The following EFCAB6 variants were observed in gnomAD, a reference collection of about 807,000 sequenced individuals.
EFCAB6 encodes EF-hand calcium-binding domain-containing protein 6.
A neutral mutation model predicts 169.8 loss-of-function variants in EFCAB6; 156 were observed. The observed-to-expected ratio is 0.92, with a 90% CI of 0.81 to 1.05. The LOEUF (loss-of-function observed/expected upper bound fraction) is 1.05. EFCAB6 is among the 50% of genes least tolerant of loss of function. The pLI is 0.00. For synonymous variants in EFCAB6, 698 were observed against 676.4 expected, an observed-to-expected ratio of 1.03 and a Z score of -0.50; for missense variants, 1,800 against 1,829.1, an observed-to-expected ratio of 0.98 and a Z score of 0.29.
Position 43,666,691 on chromosome 22 carries a change from GTTTTT to G in EFCAB6, c.1983+408_1983+412del, listed in dbSNP as rs137764. Among the ~76,000 whole-genome samples the G allele has an allele frequency of 6.8e-3, 529 of 77,858 alleles. 3 individuals carry two copies. Among genetic ancestry groups the G allele is most frequent in the Non-Finnish European group, 7.7e-3 (335 of 43,304 alleles). The allele number at this position is 77,858 out of a possible 152,430, so 51.1% of individuals were successfully genotyped here. A position where few individuals can be genotyped will look rare whatever the true frequency, so the allele number is the denominator to read the frequency against. ...GTTTCCCATATTTCACTGCCAGATTGTTTTTTTTTTTTTTTTTTTTTTTTCATTCT... is the reference window on the plus strand; with the variant it reads ...GTTTCCCATATTTCACTGCCAGATTGTTTTTTTTTTTTTTTTTTTCATTCT... On this transcript the variant is annotated intron_variant, in intron 17 of 31. Transcript: ENST00000262726.
intron 2 of EFCAB6, among the ~76,000 whole-genome samples, chr22:43,787,116 G>A (rs951009024): frequency 2.6e-5 from 4 of 152,102 alleles, no homozygotes; most frequent in Admixed American, 6.5e-5. Context: ...CATATTTAAT[G>A]GTGAATGACC....
At chr22:43,742,620 T>G (rs2060415941) in intron 6 of EFCAB6, among the ~76,000 whole-genome samples, 1 of 152,200 alleles carries the variant, frequency 6.6e-6, no homozygotes, top group African/African-American at 2.4e-5. Context: ...GAGAGTCTGG[T>G]CCCAACCCTC....
intron 17 of EFCAB6, among the ~76,000 whole-genome samples, chr22:43,649,611 A>G (rs1052124996): frequency 1.3e-5 from 2 of 152,252 alleles, no homozygotes; most frequent in African/African-American, 4.8e-5. Flanking sequence ...AGGAAAAAAT[A>G]TTAAAAATAA....
At chr22:43,597,285 GA>G (rs2052087403) in intron 23 of EFCAB6, among the ~76,000 whole-genome samples, 1 of 152,016 alleles carries the variant, frequency 6.6e-6, no homozygotes, top group Admixed American at 6.5e-5. Context: ...ACTGCACCAT[GA>G]AGGGAACAAA....
chr22:43,671,785 A>G (rs142982669), intron 15 of EFCAB6, among the ~76,000 whole-genome samples, 188 bp downstream of exon 15: 88 of 152,262 alleles, frequency 5.8e-4, no homozygotes, highest in Middle Eastern at 3.4e-3. Context: ...TGGCTGTGAT[A>G]AGGACTATAT....
At chr22:43,625,501 C>T (rs1380569543) in intron 20 of EFCAB6, among the ~76,000 whole-genome samples, 1 of 152,200 alleles carries the variant, frequency 6.6e-6, no homozygotes, top group Non-Finnish European at 1.5e-5. Flanking sequence ...CCCCTGCTGC[C>T]ACTGTTGGAT....
intron 23 of EFCAB6, among the ~76,000 whole-genome samples, chr22:43,590,493 T>C (rs970271590): frequency 6.6e-6 from 1 of 152,202 alleles, no homozygotes; most frequent in African/African-American, 2.4e-5. Flanking sequence ...TGTACTAGAA[T>C]CGGTACTTTA....
At chr22:43,738,095 T>C (rs2060224325) in intron 6 of EFCAB6, among the ~76,000 whole-genome samples, 1 of 141,370 alleles carries the variant, frequency 7.1e-6, no homozygotes, top group South Asian at 2.3e-4. Context: ...TGCAGATACA[T>C]GCACACACAC....
intron 17 of EFCAB6, among the ~76,000 whole-genome samples, chr22:43,661,802 C>A (rs771666186): frequency 2.6e-5 from 4 of 152,154 alleles, no homozygotes; most frequent in Non-Finnish European, 4.4e-5. Context: ...AAGACAAAGT[C>A]TTATTGATAG....
intron 10 of EFCAB6, among the ~76,000 whole-genome samples, chr22:43,699,013 C>T (rs2058675493): frequency 6.6e-6 from 1 of 152,180 alleles, no homozygotes; most frequent in Non-Finnish European, 1.5e-5. Context: ...AATAATATGG[C>T]AGCTGGCAGG....
chr22:43,564,260 C>T (rs947646884), intron 26 of EFCAB6, among the ~76,000 whole-genome samples: 2 of 151,870 alleles, frequency 1.3e-5, no homozygotes, highest in Non-Finnish European at 2.9e-5. Flanking sequence ...CCAGCCTGGC[C>T]AACATGGCGA....
chr22:43,789,438 T>C (rs2062194527), intron 2 of EFCAB6, among the ~76,000 whole-genome samples: 1 of 152,138 alleles, frequency 6.6e-6, no homozygotes, highest in Non-Finnish European at 1.5e-5. Context: ...TAAGGCAATA[T>C]GTTTACTTGA....
At chr22:43,624,259 CG>C (rs747830480) in intron 20 of EFCAB6, among the ~76,000 whole-genome samples, 2 of 152,154 alleles carry the variant, frequency 1.3e-5, no homozygotes, top group Non-Finnish European at 2.9e-5. Context: ...CACCAGACCC[CG>C]GGGACCAAGT....
intron 3 of EFCAB6, among the ~76,000 whole-genome samples, chr22:43,781,521 G>C (rs996624469): frequency 1.3e-5 from 2 of 152,036 alleles, no homozygotes; most frequent in Non-Finnish European, 2.9e-5. Context: ...TAGAGACAAG[G>C]TCTTACTATG....
rs534264066 is a variant in EFCAB6, at chr22:43,535,222, G to A, written c.4049-350C>T. 6 of 207,006 alleles carry A rather than the reference G, an allele frequency of 2.9e-5. No homozygotes were observed. In the East Asian group the frequency reaches 6.7e-4, roughly 23 times the overall value. The allele number at this position is 207,006 out of a possible 1,614,324, so 12.8% of individuals were successfully genotyped here. ...TCAGGTGTGTGAGGAGCAGGGGAAG[G>A]TTCCCTGAGCTCATAGTGAGCCTGG... On this transcript the variant is annotated intron_variant, in intron 29 of 31. Transcript: ENST00000262726.
intron 6 of EFCAB6, among the ~76,000 whole-genome samples, chr22:43,740,774 A>G (rs1026424688): frequency 2.0e-5 from 3 of 152,202 alleles, no homozygotes; most frequent in African/African-American, 4.8e-5. Flanking sequence ...TGCCTGAAAG[A>G]GGGAGCCCCA....
intron 20 of EFCAB6, among the ~76,000 whole-genome samples, chr22:43,617,646 A>T (rs1323408677): frequency 1.3e-5 from 2 of 152,190 alleles, no homozygotes; most frequent in Non-Finnish European, 1.5e-5. Flanking sequence ...AGTCAGATCC[A>T]GCCTTCCTTC....
intron 17 of EFCAB6, among the ~76,000 whole-genome samples, chr22:43,643,627 C>T (rs1291536909): frequency 5.3e-5 from 8 of 152,224 alleles, no homozygotes; most frequent in Admixed American, 5.2e-4. Flanking sequence ...ACAGGCTCCT[C>T]ACCCTGGGAG....
intron 8 of EFCAB6, among the ~76,000 whole-genome samples, chr22:43,717,283 T>C (rs1249666203): frequency 6.6e-6 from 1 of 151,682 alleles, no homozygotes; most frequent in Non-Finnish European, 1.5e-5. Context: ...AATCTTTGTG[T>C]GAGAAAGCCT....
Sources: gnomAD v4.1 joint callset for allele counts (sites outside exome capture counted in the v4.1 genomes callset) on GRCh38, gnomAD v4.1.1 for gene constraint, MANE v1.5 for transcripts, NCBI Gene and HGNC (gene_info 2026-07-23, HGNC 2026-07-21) for gene names.